The following NCEH1 variants were observed in gnomAD, a reference collection of about 807,000 sequenced individuals.
NCEH1 encodes the protein neutral cholesterol ester hydrolase 1, also known as 2-acetyl MAGE hydrolase.
In NCEH1, 9 loss-of-function variants were observed where a neutral mutation model predicts 25.4. That is an observed-to-expected ratio of 0.35 (90% CI 0.21 to 0.62). The LOEUF is 0.62. Among genes scored for constraint, NCEH1 ranks in the 20% least tolerant of loss-of-function variants. The pLI, the probability that NCEH1 is intolerant of heterozygous loss-of-function variation, is 0.72. For synonymous variants in NCEH1, 200 were observed against 199.8 expected, an observed-to-expected ratio of 1.00 and a Z score of -0.01; for missense variants, 412 against 501.1, an observed-to-expected ratio of 0.82 and a Z score of 1.70.
intron 1 of NCEH1, among the ~76,000 whole-genome samples, chr3:172,666,547 C>T (rs1469737358): frequency 6.6e-6 from 1 of 152,152 alleles, no homozygotes; most frequent in South Asian, 2.1e-4. Context: ...AATAAACTCT[C>T]CACTCCTTAA....
intron 1 of NCEH1, among the ~76,000 whole-genome samples, chr3:172,690,076 TG>T (rs1171202908): frequency 6.6e-6 from 1 of 151,876 alleles, no homozygotes; most frequent in Non-Finnish European, 1.5e-5. Context: ...GCTAATTTTT[TG>T]TATTTTTAGT....
At chr3:172,665,979 G>A (rs942718780) in intron 1 of NCEH1, among the ~76,000 whole-genome samples, 4 of 152,136 alleles carry the variant, frequency 2.6e-5, no homozygotes, top group East Asian at 1.9e-4. Flanking sequence ...CTCACACTCC[G>A]TGGCTGCACC....
chr3:172,650,517 C>T (rs562334164), intron 1 of NCEH1, among the ~76,000 whole-genome samples: 39 of 151,428 alleles, frequency 2.6e-4, no homozygotes, highest in Non-Finnish European at 4.7e-4. Flanking sequence ...GGCATGGTGG[C>T]GGGCGCCTGT....
At chr3:172,688,748 G>C (rs1398588368) in intron 1 of NCEH1, among the ~76,000 whole-genome samples, 1 of 152,062 alleles carries the variant, frequency 6.6e-6, no homozygotes, top group African/African-American at 2.4e-5. Context: ...ACAGTGTTAC[G>C]ATAGGTGTCC....
At chr3:172,707,596 A>T (rs1714075703) in intron 1 of NCEH1, among the ~76,000 whole-genome samples, 1 of 151,978 alleles carries the variant, frequency 6.6e-6, no homozygotes, top group East Asian at 1.9e-4. Context: ...TATTATTATT[A>T]TTTTTTTGAG....
chr3:172,694,951 C>T (rs1713276965), intron 1 of NCEH1, among the ~76,000 whole-genome samples: 1 of 152,088 alleles, frequency 6.6e-6, no homozygotes, highest in South Asian at 2.1e-4. Context: ...TGTTTTTAGC[C>T]TGGATTTTAG....
chr3:172,644,947 A>G (rs1350268589), intron 3 of NCEH1, among the ~76,000 whole-genome samples: 3 of 152,200 alleles, frequency 2.0e-5, no homozygotes, highest in Non-Finnish European at 4.4e-5. Context: ...GGCTTGTCAA[A>G]AAAAGGCTTG....
chr3:172,698,907 A>G (rs112992678), intron 1 of NCEH1, among the ~76,000 whole-genome samples: 7 of 152,254 alleles, frequency 4.6e-5, no homozygotes, highest in African/African-American at 1.7e-4. Context: ...AAGCAGAACC[A>G]TGAATTCCTA....
chr3:172,651,593 C>T (rs1717408364), intron 1 of NCEH1, among the ~76,000 whole-genome samples: 1 of 151,138 alleles, frequency 6.6e-6, no homozygotes, highest in Non-Finnish European at 1.5e-5. Flanking sequence ...GAGTCTCGCT[C>T]TGTTACCCAG....
At chr3:172,692,678 G>A (rs891893351) in intron 1 of NCEH1, among the ~76,000 whole-genome samples, 1 of 152,048 alleles carries the variant, frequency 6.6e-6, no homozygotes, top group Admixed American at 6.6e-5. Context: ...AATATTTTTA[G>A]TAAGTAGTTT....
At chr3:172,668,577 T>G (rs1718340239) in intron 1 of NCEH1, among the ~76,000 whole-genome samples, 1 of 151,982 alleles carries the variant, frequency 6.6e-6, no homozygotes, top group South Asian at 2.1e-4. Context: ...ACTGGAATAT[T>G]ACCGTGATGA....
intron 1 of NCEH1, among the ~76,000 whole-genome samples, chr3:172,656,361 G>C (rs1225789221): frequency 6.6e-6 from 1 of 152,176 alleles, no homozygotes; most frequent in Non-Finnish European, 1.5e-5. Context: ...AGATGGAAGG[G>C]AGAATTCATA....
rs2108486537 is a variant in NCEH1 at position 172,633,859 on chromosome 3, A to G, written c.843T>C (p.Ala281=). ...ATGTCCAGTTTAGACGGGCCCTGACAGCAGCAGCCTCTTCCACATCAAGTG... is the reference window on the plus strand; with the variant it reads ...ATGTCCAGTTTAGACGGGCCCTGACGGCAGCAGCCTCTTCCACATCAAGTG... ...HTSLDVEEAA[A]VRARLNWTSL... Residue 281 remains alanine (A), a synonymous_variant, in exon 5 of 5, where the codon GCT becomes GCC. Coordinates refer to ENST00000475381, the MANE Select transcript of NCEH1 (RefSeq NM_020792.6). 6.2e-7 allele frequency: 1 copy of G among 1,614,240 alleles called. No individual in the cohort carries two copies. The highest frequency in any genetic ancestry group is 8.5e-7 in the Non-Finnish European group (1 of 1,180,042).
intron 1 of NCEH1, among the ~76,000 whole-genome samples, chr3:172,693,734 T>G (rs1398336583): frequency 1.3e-5 from 2 of 152,202 alleles, no homozygotes; most frequent in East Asian, 3.8e-4. Flanking sequence ...AATTCAGAAT[T>G]GTGCAATTTT....
intron 1 of NCEH1, chr3:172,681,246 A>G (rs569619422): frequency 3.7e-4 from 57 of 152,234 alleles, no homozygotes; most frequent in African/African-American, 1.3e-3. Flanking sequence ...AACTGAAGAG[A>G]AAGATCATGA....
intron 1 of NCEH1, among the ~76,000 whole-genome samples, chr3:172,682,133 T>C (rs553465178): frequency 6.6e-6 from 1 of 152,306 alleles, no homozygotes; most frequent in African/African-American, 2.4e-5. Context: ...GTGGAGGCCA[T>C]GGCACTACTG....
intron 1 of NCEH1, among the ~76,000 whole-genome samples, chr3:172,675,769 T>C (rs41345748): frequency 0.024 from 3,634 of 152,292 alleles, 152 homozygotes; most frequent in African/African-American, 0.084. Flanking sequence ...TTTCTGGTAA[T>C]GTACAGCGAC....
chr3:172,650,911 G>A (rs6778941), intron 1 of NCEH1, among the ~76,000 whole-genome samples: 66,865 of 151,112 alleles, frequency 0.44, 14,867 homozygotes, highest in Non-Finnish European at 0.46. Context: ...AGAATTTAGA[G>A]AACTGCTACA....
Position 172,630,529 on chromosome 3 carries a change from T to C in NCEH1, c.*2946A>G, listed in dbSNP as rs1032668092. On this transcript the variant is annotated 3_prime_UTR_variant, in exon 5 of 5. Transcript: ENST00000475381. Reference sequence around the variant, plus strand: ...ACCACCTCTCTAAAGGAAAGACAGCTGGAGTACTCCACTGGGCAGAAGATT... The same window carrying C: ...ACCACCTCTCTAAAGGAAAGACAGCCGGAGTACTCCACTGGGCAGAAGATT... 1 of 152,252 alleles carries C rather than the reference T, an allele frequency of 6.6e-6. No individual in the cohort carries two copies. Among genetic ancestry groups the C allele is most frequent in the African/African-American group, 2.4e-5 (1 of 41,460 alleles). 9.4% of individuals were successfully genotyped at this position (152,252 alleles called of 1,614,324 possible). A position where few individuals can be genotyped will look rare whatever the true frequency, so the allele number is the denominator to read the frequency against.
Sources: allele counts gnomAD v4.1 joint callset (sites outside exome capture counted in the v4.1 genomes callset), GRCh38; gene constraint gnomAD v4.1.1; transcripts MANE v1.5; gene names NCBI Gene and HGNC (gene_info 2026-07-23, HGNC 2026-07-21).